BTRC: variants seen among roughly 807,000 people sequenced by gnomAD.
BTRC encodes F-box/WD repeat-containing protein 1A.
BTRC carries 42 observed loss-of-function variants against 85.5 expected under a neutral mutation model. The observed-to-expected ratio is 0.49, with a 90% confidence interval of 0.38 to 0.64. The LOEUF (loss-of-function observed/expected upper bound fraction) is 0.64, where lower values mean the gene tolerates loss of function less well. BTRC is among the 30% of genes least tolerant of loss of function. BTRC has a pLI of 0.00. For synonymous variants in BTRC, 255 were observed against 263.3 expected (o/e 0.97, Z 0.30); for missense variants, 594 against 743.5 (o/e 0.80, Z 2.34).
chr10:101,355,381 T>C (rs536219710), intron 1 of BTRC, among the ~76,000 whole-genome samples: 138 of 152,356 alleles, frequency 9.1e-4, no homozygotes, highest in African/African-American at 3.2e-3. Flanking sequence ...TTGGAACATA[T>C]TTCTTTAACT....
chr10:101,452,947 T>C (rs1589487003), intron 2 of BTRC, among the ~76,000 whole-genome samples: 1 of 152,332 alleles, frequency 6.6e-6, no homozygotes, highest in East Asian at 1.9e-4. Flanking sequence ...TTAAATGACC[T>C]AAGTTTTCCC....
At chr10:101,436,679 G>A (rs1163622488) in intron 2 of BTRC, among the ~76,000 whole-genome samples, 1 of 141,360 alleles carries the variant, frequency 7.1e-6, no homozygotes, top group Non-Finnish European at 1.6e-5. Context: ...GATTTATATG[G>A]CCCTAGAATA....
intron 1 of BTRC, among the ~76,000 whole-genome samples, chr10:101,427,326 C>T (rs921098492): frequency 2.0e-5 from 3 of 151,802 alleles, no homozygotes; most frequent in Admixed American, 2.0e-4. Context: ...CCGTGTTGGC[C>T]AGGATGGTCT....
chr10:101,505,282 G>C (rs1378654034), intron 4 of BTRC, among the ~76,000 whole-genome samples: 1 of 149,304 alleles, frequency 6.7e-6, no homozygotes, highest in Non-Finnish European at 1.5e-5. Context: ...GGGATTACAG[G>C]CATGAGCCAC....
chr10:101,360,038 C>G (rs1942155367), intron 1 of BTRC, among the ~76,000 whole-genome samples: 1 of 150,000 alleles, frequency 6.7e-6, no homozygotes, highest in Non-Finnish European at 1.5e-5. Context: ...AATAAACTTT[C>G]AAAAGAGATC....
At chr10:101,511,437 T>G (rs981328383) in intron 4 of BTRC, among the ~76,000 whole-genome samples, 1 of 152,178 alleles carries the variant, frequency 6.6e-6, no homozygotes, top group African/African-American at 2.4e-5. Flanking sequence ...TTAAACATGA[T>G]CTCACTCTGT....
chr10:101,398,604 A>G (rs1238666292), intron 1 of BTRC, among the ~76,000 whole-genome samples: 1 of 152,104 alleles, frequency 6.6e-6, no homozygotes, highest in Non-Finnish European at 1.5e-5. Context: ...CGCCCAGCTG[A>G]AATTTTCTTA....
intron 9 of BTRC, 44 bp from the exon 10 acceptor site, chr10:101,534,617 G>C: frequency 6.2e-7 from 1 of 1,609,938 alleles, no homozygotes; most frequent in Non-Finnish European, 8.5e-7. Context: ...ATAGGTAACA[G>C]ATTGTAGCTT....
intron 1 of BTRC, among the ~76,000 whole-genome samples, chr10:101,375,799 C>T (rs1942775281): frequency 6.6e-6 from 1 of 152,098 alleles, no homozygotes. Flanking sequence ...TTTCCCCCCT[C>T]TTCCCTTTTA....
chr10:101,528,324 A>G (rs1179388475), intron 6 of BTRC, among the ~76,000 whole-genome samples: 1 of 152,226 alleles, frequency 6.6e-6, no homozygotes, highest in Non-Finnish European at 1.5e-5. Flanking sequence ...AAGGCTCCAC[A>G]GTTTTGCTTG....
chr10:101,410,942 A>T (rs550237450), intron 1 of BTRC, among the ~76,000 whole-genome samples: 5 of 151,624 alleles, frequency 3.3e-5, no homozygotes, highest in African/African-American at 1.2e-4. Context: ...CTTACTTTTT[A>T]AAAAAATTTT....
intron 1 of BTRC, among the ~76,000 whole-genome samples, chr10:101,412,767 A>C (rs144886778): frequency 6.6e-6 from 1 of 152,206 alleles, no homozygotes; most frequent in East Asian, 1.9e-4. Flanking sequence ...ACACATGACT[A>C]TGTGAAAAAC....
intron 3 of BTRC, among the ~76,000 whole-genome samples, chr10:101,465,286 T>C (rs767593309): frequency 2.0e-5 from 3 of 152,324 alleles, no homozygotes; most frequent in Non-Finnish European, 4.4e-5. Context: ...AGTTATCTTC[T>C]AGCAATTTAA....
chr10:101,383,079 T>C (rs1189813976), intron 1 of BTRC, among the ~76,000 whole-genome samples: 1 of 131,934 alleles, frequency 7.6e-6, no homozygotes, highest in African/African-American at 2.6e-5. Flanking sequence ...TTTTTTTTTT[T>C]CTGAGACAGG....
chr10:101,520,755 C>G (rs1358359930), intron 4 of BTRC, among the ~76,000 whole-genome samples: 2 of 152,114 alleles, frequency 1.3e-5, no homozygotes, highest in East Asian at 3.9e-4. Context: ...GTCAGGAGTT[C>G]AAGACCAGCC....
chr10:101,438,905 C>G (rs1335061471), intron 2 of BTRC, among the ~76,000 whole-genome samples: 1 of 152,132 alleles, frequency 6.6e-6, no homozygotes, highest in East Asian at 1.9e-4. Context: ...TACTCTGGTT[C>G]AATTCCAGTA....
intron 6 of BTRC, among the ~76,000 whole-genome samples, chr10:101,529,776 A>G (rs193105932): frequency 3.3e-4 from 51 of 152,328 alleles, no homozygotes; most frequent in Non-Finnish European, 6.9e-4. Context: ...GGGAGAGGGC[A>G]GGGGAGAAAC....
chr10:101,519,400 G>A (rs1290035229), intron 4 of BTRC, among the ~76,000 whole-genome samples: 1 of 151,980 alleles, frequency 6.6e-6, no homozygotes, highest in Non-Finnish European at 1.5e-5. Context: ...TCTTGTAGTA[G>A]GCAGAATTCA....
At position 101,532,945 on chromosome 10, in the gene BTRC, A is replaced by C. The variant is rs778784269; in HGVS notation, c.979-7A>C. 2 of 1,599,060 alleles carry C rather than the reference A, an allele frequency of 1.3e-6. No homozygotes were observed. Among genetic ancestry groups the C allele is most frequent in the Admixed American group, 3.3e-5 (2 of 59,906 alleles). On this transcript the variant is annotated splice_region_variant and splice_polypyrimidine_tract_variant and intron_variant, in intron 8 of 14. Transcript: ENST00000370187. ...ATTGATCAAAAGGATCTTATTTGCC[A>C]TCCTAGATCTGGGATAAAAACACAT...
Sources: allele counts gnomAD v4.1 joint callset (sites outside exome capture counted in the v4.1 genomes callset), GRCh38; gene constraint gnomAD v4.1.1; transcripts MANE v1.5; gene names NCBI Gene and HGNC (gene_info 2026-07-23, HGNC 2026-07-21).